The following HMCN1 variants were observed in gnomAD, a reference collection of about 807,000 sequenced individuals.
The protein encoded by HMCN1 is hemicentin 1.
Under a neutral mutation model 625.9 loss-of-function variants are expected in HMCN1, and 321 were observed. That is an observed-to-expected ratio of 0.51 (90% confidence interval 0.47 to 0.56). The LOEUF is 0.56. Ranked by LOEUF, HMCN1 falls within the 20% of genes least tolerant of loss-of-function variation. The probability of loss-of-function intolerance (pLI) is 0.00; values close to 1 mark genes in which losing one functional copy is unlikely to be tolerated. For missense variants in HMCN1, 6,588 were observed against 6,887.3 expected, an observed-to-expected ratio of 0.96 and a Z score of 1.54; for synonymous variants, 2,425 against 2,417.6, an observed-to-expected ratio of 1.00 and a Z score of -0.09.
In HMCN1 at chr1:185,754,835, G is replaced by A. The variant is rs1397738158; in HGVS notation, c.268+19788G>A. Among the ~76,000 whole-genome samples the A allele has an allele frequency of 2.0e-5, 3 of 152,064 alleles. 1 individual carries two copies. The highest frequency in any genetic ancestry group is 2.9e-5 in the Non-Finnish European group (2 of 68,016). ...TGTACTCCAGCCTGGGCAACAGAGT[G>A]AGACCCTGTCTCAAAAAAATAATAA... On this transcript the variant is annotated intron_variant, in intron 1 of 106. Coordinates refer to ENST00000271588, the MANE Select transcript of HMCN1 (RefSeq NM_031935.3).
At chr1:185,924,386 T>C (rs1172644480) in intron 8 of HMCN1, among the ~76,000 whole-genome samples, 1 of 151,744 alleles carries the variant, frequency 6.6e-6, no homozygotes, top group Non-Finnish European at 1.5e-5. Context: ...GCCTGCCACC[T>C]CGCCCAGCTA....
chr1:186,081,538 TA>T, intron 56 of HMCN1, 144 bp downstream of exon 56: 1 of 631,132 alleles, frequency 1.6e-6, no homozygotes, highest in Admixed American at 3.0e-5. Flanking sequence ...GTATATATAA[TA>T]AAATTCTTCT....
chr1:186,026,086 G>C (rs922620731), intron 36 of HMCN1, among the ~76,000 whole-genome samples: 5 of 152,168 alleles, frequency 3.3e-5, no homozygotes, highest in Admixed American at 2.0e-4. Context: ...ATTTCACTTT[G>C]ACATTCATGA....
At position 186,000,163 on chromosome 1, in the gene HMCN1, T is replaced by C; in HGVS notation, c.3993T>C (p.Tyr1331=). The part of the protein sequence containing the change: ...TLLVIASVTP[Y]DNGEYICVAV... ...TGGTTATTGCTTCTGTTACACCCTA[T>C]GACAATGGGGAGTACATCTGTGTGG... The change falls in exon 26 of 107, where the codon TAT becomes TAC. Residue 1331 remains tyrosine (Y), a synonymous_variant. Coordinates refer to ENST00000271588, the MANE Select transcript of HMCN1 (RefSeq NM_031935.3). The C allele has an allele frequency of 1.2e-6, 2 of 1,613,268 alleles. No individual in the cohort carries two copies. The highest frequency in any genetic ancestry group is 1.7e-6 in the Non-Finnish European group (2 of 1,179,436).
At chr1:186,140,667 C>T (rs115111973) in intron 89 of HMCN1, among the ~76,000 whole-genome samples, 1 of 152,148 alleles carries the variant, frequency 6.6e-6, no homozygotes, top group Non-Finnish European at 1.5e-5. Context: ...GTTTTAGCAT[C>T]CATTTCTGAT....
chr1:185,760,334 T>A lies in HMCN1; in HGVS notation c.268+25287T>A, dbSNP rs575870253. Among the ~76,000 whole-genome samples, 9 of 152,204 alleles carry A rather than the reference T, an allele frequency of 5.9e-5. No individual in the cohort carries two copies. The East Asian group carries it at 1.7e-3, about 29-fold the overall frequency. ...AAAAAGTCTCAAAGGTAATGCACAG[T>A]GGAACTCAGTGAGAGAGAAGTCAGG... On this transcript the variant is annotated intron_variant, in intron 1 of 106. Transcript: ENST00000271588.
chr1:185,876,482 T>G (rs1290109014), intron 4 of HMCN1, among the ~76,000 whole-genome samples: 9 of 152,046 alleles, frequency 5.9e-5, no homozygotes, highest in Non-Finnish European at 1.3e-4. Flanking sequence ...CTGCAATATT[T>G]CTATATTGTT....
chr1:186,033,311 A>T (rs1655597398), intron 36 of HMCN1, among the ~76,000 whole-genome samples: 2 of 152,128 alleles, frequency 1.3e-5, no homozygotes, highest in Non-Finnish European at 2.9e-5. Flanking sequence ...GTGATGAGGG[A>T]TGAGGGATAA....
At chr1:185,937,619 C>T (rs948943050) in intron 11 of HMCN1, among the ~76,000 whole-genome samples, 6 of 152,052 alleles carry the variant, frequency 3.9e-5, no homozygotes, top group Admixed American at 2.6e-4. Flanking sequence ...CAGTGGCTCA[C>T]GCCTGTAATC....
chr1:185,840,542 A>G (rs2102307606), intron 1 of HMCN1, among the ~76,000 whole-genome samples: 1 of 152,230 alleles, frequency 6.6e-6, no homozygotes, highest in East Asian at 1.9e-4. Flanking sequence ...CATACCCTGG[A>G]TGCCTTCATG....
chr1:185,745,627 A>G (rs1169310853), intron 1 of HMCN1, among the ~76,000 whole-genome samples: 1 of 152,210 alleles, frequency 6.6e-6, no homozygotes, highest in Admixed American at 6.5e-5. Flanking sequence ...ATATTCTGAC[A>G]GTGTCAAGTT....
rs559745398 is a variant in HMCN1, at chr1:186,028,617, A to G, written c.5749+5464A>G. 1.6e-3 allele frequency among the ~76,000 whole-genome samples: 245 copies of G among 152,332 alleles called. 3 individuals carry two copies. The highest frequency in any genetic ancestry group is 3.4e-3 in the Middle Eastern group (1 of 294). ...GGGTTTCTGGTCCACTTGTTTGTCA[A>G]ATACCATGTACTAGTGACTATACCC... On this transcript the variant is annotated intron_variant, in intron 36 of 106. Transcript: ENST00000271588.
chr1:186,027,750 G>A (rs1412871726), intron 36 of HMCN1, among the ~76,000 whole-genome samples: 1 of 152,138 alleles, frequency 6.6e-6, no homozygotes, highest in Non-Finnish European at 1.5e-5. Context: ...TATCTGTAAA[G>A]TCCCTCCTGC....
intron 36 of HMCN1, among the ~76,000 whole-genome samples, chr1:186,032,314 C>CG (rs1655508772): frequency 6.6e-6 from 1 of 151,974 alleles, no homozygotes; most frequent in African/African-American, 2.4e-5. Flanking sequence ...AAAAAAAACT[C>CG]GACATCATTC....
chr1:186,054,075 C>G, intron 44 of HMCN1, 89 bp downstream of exon 44: 3 of 1,267,126 alleles, frequency 2.4e-6, no homozygotes, highest in East Asian at 2.4e-5. Context: ...CTTTAATGTT[C>G]ATTCAAAATG....
chr1:186,144,432 A>T (rs952235293), intron 90 of HMCN1, 89 bp downstream of exon 90: 2 of 1,603,058 alleles, frequency 1.2e-6, no homozygotes, highest in South Asian at 2.2e-5. Flanking sequence ...ATCCCATTCT[A>T]ACTGTGCCCA....
intron 11 of HMCN1, 44 bp from the exon 12 acceptor site, chr1:185,962,474 A>G (rs763447802): frequency 6.4e-6 from 10 of 1,561,110 alleles, no homozygotes; most frequent in Non-Finnish European, 8.8e-6. Flanking sequence ...TCTAACATCA[A>G]GATAAATTGG....
intron 97 of HMCN1, among the ~76,000 whole-genome samples, chr1:186,155,878 G>T (rs1021354409): frequency 6.6e-6 from 1 of 152,220 alleles, no homozygotes; most frequent in Non-Finnish European, 1.5e-5. Flanking sequence ...CTAGAGCTAA[G>T]TATGGTTGCA....
chr1:185,754,399 C>G (rs866316164), intron 1 of HMCN1, among the ~76,000 whole-genome samples: 1 of 151,918 alleles, frequency 6.6e-6, no homozygotes, highest in African/African-American at 2.4e-5. Flanking sequence ...TTAAAAGTTG[C>G]TATTTTAATA....
Sources: gnomAD v4.1 joint callset for allele counts (sites outside exome capture counted in the v4.1 genomes callset) on GRCh38, gnomAD v4.1.1 for gene constraint, MANE v1.5 for transcripts, NCBI Gene and HGNC (gene_info 2026-07-23, HGNC 2026-07-21) for gene names.